The following CDH12 variants were observed in gnomAD, a reference collection of about 807,000 sequenced individuals.
CDH12 encodes cadherin-12.
CDH12 carries 41 observed loss-of-function variants against 74.1 expected under a neutral mutation model. That is an observed-to-expected ratio of 0.55 (90% CI 0.43 to 0.72). CDH12 has a LOEUF of 0.72. Ranked by LOEUF, CDH12 falls within the 30% of genes least tolerant of loss-of-function variation. CDH12 has a pLI of 0.00. For synonymous variants in CDH12, 399 were observed against 355.0 expected, an observed-to-expected ratio of 1.12 and a Z score of -1.39; for missense variants, 945 against 977.2, an observed-to-expected ratio of 0.97 and a Z score of 0.44.
rs565497181 is a variant in CDH12, at chr5:21,902,360, G to T, written c.527-47570C>A. Among the ~76,000 whole-genome samples the T allele has an allele frequency of 5.1e-4, 78 of 151,560 alleles. 1 individual carries two copies. In the South Asian group the frequency reaches 0.015, roughly 30 times the overall value. ...TCTCTTTCTCTCTGTCTCACTCACTGTCTCTCTTTCAGATCTTTGCTACTC... is the reference window on the plus strand; with the variant it reads ...TCTCTTTCTCTCTGTCTCACTCACTTTCTCTCTTTCAGATCTTTGCTACTC... On this transcript the variant is annotated intron_variant, in intron 6 of 14. Transcript: ENST00000382254.
At chr5:21,945,016 A>G (rs1755507251) in intron 6 of CDH12, among the ~76,000 whole-genome samples, 2 of 152,190 alleles carry the variant, frequency 1.3e-5, no homozygotes, top group Non-Finnish European at 2.9e-5. Context: ...GAGAGAAAAG[A>G]TTCTCATAAT....
At chr5:22,047,912 A>C (rs1740074338) in intron 5 of CDH12, among the ~76,000 whole-genome samples, 1 of 152,158 alleles carries the variant, frequency 6.6e-6, no homozygotes, top group Non-Finnish European at 1.5e-5. Context: ...AGTGAGGTAA[A>C]GGTTGTTGTA....
chr5:22,060,665 A>T (rs1205171072), intron 5 of CDH12, among the ~76,000 whole-genome samples: 13 of 152,146 alleles, frequency 8.5e-5, no homozygotes, highest in Admixed American at 8.5e-4. Context: ...AATTCACCAC[A>T]GGTCCCTCAG....
intron 3 of CDH12, among the ~76,000 whole-genome samples, chr5:22,347,172 G>A (rs994467059): frequency 6.6e-6 from 1 of 152,164 alleles, no homozygotes; most frequent in African/African-American, 2.4e-5. Context: ...GCAAAATATT[G>A]TTCCTGGGTG....
At chr5:22,012,341 A>G (rs1399047656) in intron 5 of CDH12, among the ~76,000 whole-genome samples, 1 of 152,152 alleles carries the variant, frequency 6.6e-6, no homozygotes, top group African/African-American at 2.4e-5. Flanking sequence ...AAAACATTAC[A>G]ATAGTGAGAA....
At chr5:22,813,744 G>A (rs948772157) in intron 1 of CDH12, among the ~76,000 whole-genome samples, 2 of 152,012 alleles carry the variant, frequency 1.3e-5, no homozygotes, top group African/African-American at 4.8e-5. Context: ...AAAAAACTAA[G>A]GCCCTAAACC....
At chr5:22,311,649 G>A (rs115039372) in intron 3 of CDH12, among the ~76,000 whole-genome samples, 3 of 148,152 alleles carry the variant, frequency 2.0e-5, no homozygotes, top group African/African-American at 7.5e-5. Flanking sequence ...GTTTTAGTGA[G>A]CTGAGATCAC....
intron 3 of CDH12, among the ~76,000 whole-genome samples, chr5:22,340,517 C>T (rs1270308830): frequency 1.5e-5 from 2 of 131,012 alleles, no homozygotes; most frequent in East Asian, 2.2e-4. Flanking sequence ...CAGAAGGAGA[C>T]TCCGTCTCAA....
At position 22,058,114 on chromosome 5, in the gene CDH12, T is replaced by C. The variant is rs551612689; in HGVS notation, c.231+20332A>G. Among the ~76,000 whole-genome samples, 5 of 152,200 alleles carry C rather than the reference T, an allele frequency of 3.3e-5. No homozygotes were observed. In the East Asian group the frequency reaches 9.6e-4, roughly 29 times the overall value. On this transcript the variant is annotated intron_variant, in intron 5 of 14. Transcript: ENST00000382254. ...CTCTGTCGCCCAGGCTGGAGTGCAG[T>C]GGTACAATCTCGGCTCACTGCAACT... is the stretch of plus-strand genomic sequence containing the variant.
intron 1 of CDH12, among the ~76,000 whole-genome samples, chr5:22,806,991 T>C (rs749560758): frequency 1.3e-5 from 2 of 152,204 alleles, no homozygotes; most frequent in Non-Finnish European, 2.9e-5. Context: ...ATTCCATTTG[T>C]CAATTTTGGC....
At chr5:22,452,938 A>AT (rs1202926624) in intron 2 of CDH12, among the ~76,000 whole-genome samples, 1 of 150,638 alleles carries the variant, frequency 6.6e-6, no homozygotes, top group Non-Finnish European at 1.5e-5. Context: ...CTTAATATAT[A>AT]TATTTTAAAA....
intron 5 of CDH12, among the ~76,000 whole-genome samples, chr5:21,984,528 T>C (rs894162580): frequency 2.0e-5 from 3 of 152,192 alleles, no homozygotes; most frequent in African/African-American, 7.2e-5. Context: ...TGTAGCTCCT[T>C]TGGGCTTGTT....
chr5:21,785,294 C>T (rs1395194451), intron 10 of CDH12, among the ~76,000 whole-genome samples: 2 of 152,154 alleles, frequency 1.3e-5, no homozygotes, highest in East Asian at 3.8e-4. Context: ...CTTCTCTAGT[C>T]CCTGAGACAC....
At chr5:22,009,939 C>CAAAAAAAAAAAAAAAAAAAAGAAAAAAA (rs1737200191) in intron 5 of CDH12, among the ~76,000 whole-genome samples, 1 of 54,342 alleles carries the variant, frequency 1.8e-5, no homozygotes. Flanking sequence ...GAAACTGTCT[C>CAAAAAAAAAAAAAAAAAAAAGAAAAAAA]AAAAAAAAAA....
At chr5:21,807,708 G>A (rs1280267969) in intron 9 of CDH12, among the ~76,000 whole-genome samples, 2 of 152,072 alleles carry the variant, frequency 1.3e-5, no homozygotes, top group East Asian at 3.9e-4. Context: ...TCAGCAGGCA[G>A]AATTCTAAGA....
At chr5:22,118,785 T>A (rs1745322747) in intron 4 of CDH12, among the ~76,000 whole-genome samples, 1 of 152,110 alleles carries the variant, frequency 6.6e-6, no homozygotes, top group African/African-American at 2.4e-5. Flanking sequence ...ATTTTCTGCA[T>A]CATACATCTG....
chr5:22,227,065 T>A (rs569983353), intron 3 of CDH12, among the ~76,000 whole-genome samples: 1 of 152,266 alleles, frequency 6.6e-6, no homozygotes, highest in Non-Finnish European at 1.5e-5. Context: ...TCCATTTTAA[T>A]TTTTGGCGTG....
Position 22,840,295 on chromosome 5 carries a change from A to G in CDH12, c.-523+12763T>C, listed in dbSNP as rs895869594. ...GCCACCATACCCGGCTAATTTTTAAAATATTTTTAGTAGAGACGGGGTTTC... is the reference window on the plus strand; with the variant it reads ...GCCACCATACCCGGCTAATTTTTAAGATATTTTTAGTAGAGACGGGGTTTC... On this transcript the variant is annotated intron_variant, in intron 1 of 14. Coordinates refer to ENST00000382254, the MANE Select transcript of CDH12 (RefSeq NM_004061.5). 3.3e-5 allele frequency among the ~76,000 whole-genome samples: 5 copies of G among 151,918 alleles called. No homozygotes were observed. The East Asian group carries it at 9.7e-4, about 30-fold the overall frequency.
At chr5:22,553,246 A>G (rs1008962417) in intron 1 of CDH12, among the ~76,000 whole-genome samples, 4 of 152,202 alleles carry the variant, frequency 2.6e-5, no homozygotes. Flanking sequence ...CTCATCTCTT[A>G]GCAATACAAA....
Sources: allele counts gnomAD v4.1 joint callset (sites outside exome capture counted in the v4.1 genomes callset), GRCh38; gene constraint gnomAD v4.1.1; transcripts MANE v1.5; gene names NCBI Gene and HGNC (gene_info 2026-07-23, HGNC 2026-07-21).